GPC5: variants seen among roughly 807,000 people sequenced by gnomAD.
GPC5 encodes the protein glypican 5, also known as glypican-5.
GPC5 carries 47 observed loss-of-function variants against 53.9 expected under a neutral mutation model. The ratio of observed to expected loss-of-function variants is 0.87; its 90% CI spans 0.69 to 1.11. The LOEUF is 1.11. Ranked by LOEUF, GPC5 falls within the 50% of genes most tolerant of loss-of-function variation. GPC5 has a pLI of 0.00. For missense variants in GPC5, 748 were observed against 713.1 expected, an observed-to-expected ratio of 1.05 and a Z score of -0.56; for synonymous variants, 286 against 263.3, an observed-to-expected ratio of 1.09 and a Z score of -0.84.
chr13:92,390,132 A>G (rs557894646), intron 7 of GPC5, among the ~76,000 whole-genome samples: 1 of 152,314 alleles, frequency 6.6e-6, no homozygotes, highest in South Asian at 2.1e-4. Context: ...AGTGCAAACC[A>G]CAAGTCTAAT....
intron 1 of GPC5, among the ~76,000 whole-genome samples, chr13:91,403,221 G>A (rs1422292960): frequency 6.6e-6 from 1 of 152,228 alleles, no homozygotes. Flanking sequence ...ATTGCCCTGG[G>A]TCGAAGCCCA....
intron 1 of GPC5, among the ~76,000 whole-genome samples, chr13:91,425,984 C>A (rs1333022832): frequency 6.6e-6 from 1 of 152,126 alleles, no homozygotes; most frequent in African/African-American, 2.4e-5. Flanking sequence ...TCTTGCTATG[C>A]TTCAGCATTT....
At chr13:91,611,292 C>T (rs763300471) in intron 2 of GPC5, among the ~76,000 whole-genome samples, 3 of 152,122 alleles carry the variant, frequency 2.0e-5, no homozygotes, top group African/African-American at 4.8e-5. Context: ...TAACAACTCT[C>T]GGAGTGGTCA....
At chr13:91,601,780 G>A (rs926717405) in intron 2 of GPC5, among the ~76,000 whole-genome samples, 1 of 152,144 alleles carries the variant, frequency 6.6e-6, no homozygotes, top group Non-Finnish European at 1.5e-5. Flanking sequence ...ATTATGGTGA[G>A]TTGTATAATT....
At chr13:91,883,819 T>C (rs2039293505) in intron 5 of GPC5, among the ~76,000 whole-genome samples, 1 of 152,152 alleles carries the variant, frequency 6.6e-6, no homozygotes, top group Non-Finnish European at 1.5e-5. Context: ...CAGTGGTACG[T>C]GTGCAGGTTT....
chr13:92,730,809 T>C (rs1023871854), intron 7 of GPC5, among the ~76,000 whole-genome samples: 4 of 151,414 alleles, frequency 2.6e-5, no homozygotes, highest in African/African-American at 9.7e-5. Flanking sequence ...AGATATGGAA[T>C]AGAACTGAAA....
intron 5 of GPC5, among the ~76,000 whole-genome samples, chr13:91,809,178 A>G (rs1259200180): frequency 1.3e-5 from 2 of 152,134 alleles, no homozygotes; most frequent in African/African-American, 2.4e-5. Context: ...TACTTACACA[A>G]CATCAGATAT....
chr13:92,182,497 C>A (rs942495538), intron 7 of GPC5, among the ~76,000 whole-genome samples: 1 of 152,132 alleles, frequency 6.6e-6, no homozygotes, highest in Non-Finnish European at 1.5e-5. Context: ...TATAATGAGT[C>A]AATTTAAGTA....
intron 6 of GPC5, among the ~76,000 whole-genome samples, chr13:91,942,504 A>G (rs2039936644): frequency 6.6e-6 from 1 of 152,066 alleles, no homozygotes; most frequent in Non-Finnish European, 1.5e-5. Flanking sequence ...GAATCAATCA[A>G]AAAGCTATTA....
chr13:91,858,125 T>G (rs1180130632), intron 5 of GPC5, among the ~76,000 whole-genome samples: 1 of 151,792 alleles, frequency 6.6e-6, no homozygotes, highest in East Asian at 1.9e-4. Flanking sequence ...ACTACTTTAT[T>G]TCCAATTTGC....
At chr13:91,710,734 G>T (rs1594462666) in intron 3 of GPC5, among the ~76,000 whole-genome samples, 1 of 152,286 alleles carries the variant, frequency 6.6e-6, no homozygotes, top group Non-Finnish European at 1.5e-5. Flanking sequence ...GATGCATTTA[G>T]ACTGTACAAG....
At chr13:92,188,440 A>G (rs2042199581) in intron 7 of GPC5, among the ~76,000 whole-genome samples, 1 of 152,202 alleles carries the variant, frequency 6.6e-6, no homozygotes, top group Non-Finnish European at 1.5e-5. Context: ...AAGGGAAAGG[A>G]TAAGAAAAAG....
chr13:92,636,881 T>C (rs1007866392), intron 7 of GPC5, among the ~76,000 whole-genome samples: 2 of 152,178 alleles, frequency 1.3e-5, no homozygotes, highest in Non-Finnish European at 2.9e-5. Flanking sequence ...TCTTCCATGC[T>C]CAACATTGTC....
chr13:92,035,912 T>C (rs941171705), intron 6 of GPC5, among the ~76,000 whole-genome samples: 3 of 152,218 alleles, frequency 2.0e-5, no homozygotes, highest in African/African-American at 7.2e-5. Flanking sequence ...TGCCAATTCA[T>C]TGGATTTTGT....
intron 6 of GPC5, among the ~76,000 whole-genome samples, chr13:92,028,532 G>C (rs1031298864): frequency 1.3e-5 from 2 of 152,092 alleles, no homozygotes; most frequent in African/African-American, 4.8e-5. Context: ...CTCTGAAAAA[G>C]AATCTAAAAT....
intron 7 of GPC5, among the ~76,000 whole-genome samples, chr13:92,179,610 T>G (rs1315705955): frequency 1.3e-5 from 2 of 152,244 alleles, no homozygotes; most frequent in Non-Finnish European, 2.9e-5. Context: ...GCATAGCACT[T>G]GCTCATAATC....
intron 6 of GPC5, among the ~76,000 whole-genome samples, chr13:92,011,747 T>C (rs1307209134): frequency 6.6e-6 from 1 of 152,210 alleles, no homozygotes; most frequent in Admixed American, 6.5e-5. Context: ...AAGTGCTAGT[T>C]TGGTATCTTC....
chr13:92,570,723 C>G lies in GPC5; in HGVS notation c.1562-295559C>G, dbSNP rs1882997196. 2.6e-5 allele frequency among the ~76,000 whole-genome samples: 4 copies of G among 152,118 alleles called. No homozygotes were observed. The South Asian group carries it at 8.3e-4, about 32-fold the overall frequency. On this transcript the variant is annotated intron_variant, in intron 7 of 7. Coordinates refer to ENST00000377067, the MANE Select transcript of GPC5 (RefSeq NM_004466.6). ...CCATATACAACCAACACAGCAGAAC[C>G]TACCAAATATTCAAAAGAAAGGGTG...
chr13:92,527,225 G>GAAAGAA lies in GPC5; in HGVS notation c.1562-339055_1562-339050dup, dbSNP rs1486014847. Among the ~76,000 whole-genome samples the GAAAGAA allele has an allele frequency of 1.8e-3, 66 of 37,624 alleles. 4 individuals carry two copies. The highest frequency in any genetic ancestry group is 0.022 in the Middle Eastern group (1 of 46). 24.7% of individuals were successfully genotyped at this position (37,624 alleles called of 152,430 possible). A position where few individuals can be genotyped will look rare whatever the true frequency, so the allele number is the denominator to read the frequency against. On this transcript the variant is annotated intron_variant, in intron 7 of 7. Coordinates refer to ENST00000377067, the MANE Select transcript of GPC5 (RefSeq NM_004466.6). ...AGAAAGAAAGAAAGAAAGAAAGAAA[G>GAAAGAA]AAAGAAAGAAAGAAAGAAAGAAAGA... is the stretch of plus-strand genomic sequence containing the variant.
Sources: gnomAD v4.1 joint callset for allele counts (sites outside exome capture counted in the v4.1 genomes callset) on GRCh38, gnomAD v4.1.1 for gene constraint, MANE v1.5 for transcripts, NCBI Gene and HGNC (gene_info 2026-07-23, HGNC 2026-07-21) for gene names.